The following ANKH variants were observed in gnomAD, a reference collection of about 807,000 sequenced individuals.
ANKH encodes the protein ANKH inorganic pyrophosphate transport regulator.
ANKH carries 15 observed loss-of-function variants against 49.0 expected under a neutral mutation model. The ratio of observed to expected loss-of-function variants is 0.31; its 90% CI spans 0.20 to 0.47. ANKH has a LOEUF of 0.47. ANKH is among the 20% of genes least tolerant of loss of function. ANKH has a pLI of 1.00. For synonymous variants in ANKH, 273 were observed against 260.0 expected (o/e 1.05, Z -0.48); for missense variants, 429 against 652.0 (o/e 0.66, Z 3.72).
At chr5:14,751,593 T>C (rs1417553031) in intron 4 of ANKH, among the ~76,000 whole-genome samples, 1 of 152,244 alleles carries the variant, frequency 6.6e-6, no homozygotes, top group African/African-American at 2.4e-5. Flanking sequence ...CATATAACTA[T>C]TCAAATAATG....
chr5:14,748,388 C>T (rs776766385), intron 6 of ANKH, among the ~76,000 whole-genome samples: 15 of 152,236 alleles, frequency 9.9e-5, no homozygotes, highest in East Asian at 1.9e-4. Flanking sequence ...GGCTCCGGGC[C>T]GCTCCCCTCA....
chr5:14,852,304 G>T (rs761318797), intron 1 of ANKH, among the ~76,000 whole-genome samples: 50 of 152,114 alleles, frequency 3.3e-4, no homozygotes, highest in Non-Finnish European at 6.3e-4. Flanking sequence ...GAAATGGAAT[G>T]CTCCTTAAGG....
At chr5:14,733,348 C>T (rs1738064948) in intron 8 of ANKH, among the ~76,000 whole-genome samples, 1 of 152,162 alleles carries the variant, frequency 6.6e-6, no homozygotes, top group African/African-American at 2.4e-5. Flanking sequence ...CGACCCAGAG[C>T]TGGGGACACA....
rs541814449 is a variant in ANKH at position 14,851,301 on chromosome 5, C to G, written c.96+20051G>C. ...TCTCTGTAACACCAAGACTGGACTC[C>G]GCCTTCCTCTGTGCTCCAAGAGAAG... On this transcript the variant is annotated intron_variant, in intron 1 of 11. Coordinates refer to ENST00000284268, the MANE Select transcript of ANKH (RefSeq NM_054027.6). Among the ~76,000 whole-genome samples, 5 of 152,314 alleles carry G rather than the reference C, an allele frequency of 3.3e-5. No individual in the cohort carries two copies. The South Asian group carries it at 1.0e-3, about 32-fold the overall frequency.
intron 1 of ANKH, among the ~76,000 whole-genome samples, chr5:14,793,378 T>C (rs1486804561): frequency 1.3e-5 from 2 of 151,848 alleles, no homozygotes; most frequent in Non-Finnish European, 2.9e-5. Flanking sequence ...TCCTCAGCCA[T>C]GGTGGCTTTG....
intron 9 of ANKH, among the ~76,000 whole-genome samples, chr5:14,716,198 G>C (rs1737450275): frequency 6.6e-6 from 1 of 152,114 alleles, no homozygotes; most frequent in African/African-American, 2.4e-5. Flanking sequence ...TGTAATCACT[G>C]CACTTTTAAA....
At chr5:14,724,652 G>A (rs1733928835) in intron 8 of ANKH, 3 of 839,140 alleles carry the variant, frequency 3.6e-6, no homozygotes, top group Non-Finnish European at 4.3e-6. Flanking sequence ...TGCAGAGTGG[G>A]CCATGCATGG....
intron 1 of ANKH, among the ~76,000 whole-genome samples, chr5:14,858,038 T>A (rs1735332622): frequency 1.3e-5 from 2 of 152,258 alleles, no homozygotes; most frequent in South Asian, 4.1e-4. Context: ...AATAAAATAG[T>A]TTGAACATTA....
At chr5:14,727,873 T>A (rs1186068907) in intron 8 of ANKH, among the ~76,000 whole-genome samples, 4 of 152,162 alleles carry the variant, frequency 2.6e-5, no homozygotes, top group African/African-American at 9.7e-5. Flanking sequence ...TTTTCTACAA[T>A]TAAAAAAATC....
intron 7 of ANKH, among the ~76,000 whole-genome samples, chr5:14,744,365 C>G (rs1476587280): frequency 2.0e-5 from 3 of 152,216 alleles, no homozygotes; most frequent in Non-Finnish European, 4.4e-5. Flanking sequence ...ACACTCAGTA[C>G]AGGGTTCTGG....
chr5:14,759,201 G>A (rs1738995908), intron 2 of ANKH, among the ~76,000 whole-genome samples: 1 of 152,176 alleles, frequency 6.6e-6, no homozygotes, highest in South Asian at 2.1e-4. Flanking sequence ...TTAGGGTATA[G>A]TCCTGCACCG....
chr5:14,833,116 C>T (rs1741550293), intron 1 of ANKH, among the ~76,000 whole-genome samples: 1 of 152,206 alleles, frequency 6.6e-6, no homozygotes, highest in African/African-American at 2.4e-5. Context: ...CAGAACCACT[C>T]TAGGCATGAT....
At chr5:14,776,207 A>C (rs894779422) in intron 1 of ANKH, among the ~76,000 whole-genome samples, 2 of 152,188 alleles carry the variant, frequency 1.3e-5, no homozygotes, top group African/African-American at 2.4e-5. Flanking sequence ...GTGCTGCAGC[A>C]ATTTTCTGGG....
chr5:14,768,950 C>T (rs368039100), intron 2 of ANKH, 25 bp downstream of exon 2: 110 of 1,609,620 alleles, frequency 6.8e-5, no homozygotes, highest in Non-Finnish European at 8.7e-5. Flanking sequence ...AAGCTAGATT[C>T]GTCAGTGGCG....
At position 14,725,285 on chromosome 5, in the gene ANKH, G is replaced by A. The variant is rs1737789456; in HGVS notation, c.1012-8450C>T. 6.6e-6 allele frequency among the ~76,000 whole-genome samples: 1 copy of A among 152,232 alleles called. No homozygotes were observed. The highest frequency in any genetic ancestry group is 2.1e-4 in the South Asian group (1 of 4,838). Reference sequence around the variant, plus strand: ...GGTGTCTCCCTCACAGGGATGCTGTGTGGACTGGGCTGCCCAGAGTGCTGG... The same window carrying A: ...GGTGTCTCCCTCACAGGGATGCTGTATGGACTGGGCTGCCCAGAGTGCTGG... On this transcript the variant is annotated intron_variant, in intron 8 of 11. Transcript: ENST00000284268. The surrounding 1 kb of genome is among the most constrained non-coding windows in gnomAD (Gnocchi z 4.0).
At chr5:14,844,724 T>C (rs1561080859) in intron 1 of ANKH, among the ~76,000 whole-genome samples, 1 of 152,226 alleles carries the variant, frequency 6.6e-6, no homozygotes, top group Non-Finnish European at 1.5e-5. Flanking sequence ...AGCTGTAGAT[T>C]CGGGATTTGC....
Position 14,712,882 on chromosome 5 carries a change from G to C in ANKH, c.1357C>G (p.Arg453Gly). 6.2e-7 allele frequency: 1 copy of C among 1,609,528 alleles called. No individual in the cohort carries two copies. ...CGGCGCGGCTGTCTCACCTGCTTCC[G>C]GTAGACATAGCACGCAGCGATGGCG... ...MVAIAACYVY[R>G]KQKKKMENES... Residue 453 changes from arginine (R) to glycine (G), a missense_variant, in exon 11 of 12, where the codon CGG (arginine) becomes GGG (glycine). By Grantham distance (125) the Arg-to-Gly change is moderately radical (BLOSUM62 -2). Coordinates refer to ENST00000284268, the MANE Select transcript of ANKH (RefSeq NM_054027.6).
At chr5:14,843,934 G>C (rs1159251341) in intron 1 of ANKH, among the ~76,000 whole-genome samples, 1 of 152,178 alleles carries the variant, frequency 6.6e-6, no homozygotes, top group African/African-American at 2.4e-5. Flanking sequence ...TAGAAACCAG[G>C]ATATCATATT....
At chr5:14,821,215 A>C (rs1254719676) in intron 1 of ANKH, among the ~76,000 whole-genome samples, 2 of 152,218 alleles carry the variant, frequency 1.3e-5, no homozygotes, top group Non-Finnish European at 2.9e-5. Flanking sequence ...GTTAATTCTG[A>C]GAACATGCCT....
Sources: gnomAD v4.1 joint callset for allele counts (sites outside exome capture counted in the v4.1 genomes callset) on GRCh38, gnomAD v4.1.1 for gene constraint, Gnocchi (gnomAD v3.1) non-coding constraint, MANE v1.5 for transcripts, NCBI Gene and HGNC (gene_info 2026-07-23, HGNC 2026-07-21) for gene names.